The following CFAP43 variants were observed in gnomAD, a reference collection of about 807,000 sequenced individuals.
CFAP43 encodes cilia- and flagella-associated protein 43.
A neutral mutation model predicts 218.9 loss-of-function variants in CFAP43; 155 were observed. The observed-to-expected ratio is 0.71, with a 90% CI of 0.62 to 0.81. CFAP43 has a LOEUF of 0.81. Among genes scored for constraint, CFAP43 ranks in the 30% least tolerant of loss-of-function variants. CFAP43 has a pLI of 0.00. For missense variants in CFAP43, 1,778 were observed against 1,954.3 expected (o/e 0.91, Z 1.70); for synonymous variants, 645 against 681.3 (o/e 0.95, Z 0.83).
chr10:104,142,489 G>A, intron 32 of CFAP43, 96 bp from the exon 33 acceptor site: 2 of 772,508 alleles, frequency 2.6e-6, no homozygotes, highest in East Asian at 2.8e-5. Context: ...AACCTTAACA[G>A]GTCTATCTTT....
At chr10:104,208,764 A>G (rs2090770524) in intron 5 of CFAP43, among the ~76,000 whole-genome samples, 1 of 152,202 alleles carries the variant, frequency 6.6e-6, no homozygotes, top group Non-Finnish European at 1.5e-5. Context: ...TCTCTAAAAG[A>G]GATTCCTATT....
In CFAP43 at chr10:104,183,723, T is replaced by A. The variant is rs550983448; in HGVS notation, c.2142-1210A>T. ...GTTTTAAACCCAGCTTTGTTTTGAG[T>A]CAGAAGTTTGGGTGATTACCAATGG... On this transcript the variant is annotated intron_variant, in intron 16 of 37. Transcript: ENST00000357060. Among the ~76,000 whole-genome samples, 7 of 152,264 alleles carry A rather than the reference T, an allele frequency of 4.6e-5. No individual in the cohort carries two copies. The East Asian group carries it at 1.4e-3, about 29-fold the overall frequency.
intron 2 of CFAP43, among the ~76,000 whole-genome samples, chr10:104,229,525 A>G (rs1004196496): frequency 6.6e-6 from 1 of 150,660 alleles, no homozygotes; most frequent in African/African-American, 2.4e-5. Context: ...AAAGCCGAGC[A>G]TGGTGGCGCA....
At chr10:104,133,572 C>T (rs751879466) in intron 35 of CFAP43, 48 bp downstream of exon 35, 13 of 1,554,918 alleles carry the variant, frequency 8.4e-6, no homozygotes, top group Non-Finnish European at 1.1e-5. Context: ...TGAATGAATA[C>T]ATTAATGAAT....
At chr10:104,139,095 A>T (rs2087585723) in intron 34 of CFAP43, among the ~76,000 whole-genome samples, 1 of 152,214 alleles carries the variant, frequency 6.6e-6, no homozygotes, top group Non-Finnish European at 1.5e-5. Flanking sequence ...TTTGCCTTTG[A>T]TGGGCTCATT....
At chr10:104,130,437 C>CA in intron 37 of CFAP43, 132 bp from the exon 38 acceptor site, 1 of 1,022,432 alleles carries the variant, frequency 9.8e-7, no homozygotes, top group Non-Finnish European at 1.4e-6. Flanking sequence ...TTTACAGCAG[C>CA]ACTATCACAA....
At chr10:104,184,117 T>C (rs941537925) in intron 16 of CFAP43, among the ~76,000 whole-genome samples, 2 of 152,218 alleles carry the variant, frequency 1.3e-5, no homozygotes, top group African/African-American at 4.8e-5. Context: ...ATTACGGCAG[T>C]GAAAGAAGTC....
At chr10:104,213,963 A>C (rs1350705434) in intron 4 of CFAP43, among the ~76,000 whole-genome samples, 3 of 152,212 alleles carry the variant, frequency 2.0e-5, no homozygotes, top group African/African-American at 4.8e-5. Context: ...AGGACAAATA[A>C]AATTTTAGAA....
rs1309492138 is a variant in CFAP43 at position 104,193,988 on chromosome 10, G to A, written c.1320C>T (p.Ser440=). 4 of 1,613,940 alleles carry A rather than the reference G, an allele frequency of 2.5e-6. No individual in the cohort carries two copies. In the Admixed American group the frequency reaches 6.7e-5, roughly 27 times the overall value. The change falls in exon 11 of 38, where the codon TCC becomes TCT. Residue 440 remains serine, a synonymous_variant. Transcript: ENST00000357060. ...CCGTGCCCACGGCTGCAGAGAGGGA[G>A]GATGGACAGCAAGCCAGAACCGTTG... is the stretch of plus-strand genomic sequence containing the variant. ...TLATVLACCP[S]SLSAAVGTED... is the part of the protein sequence containing the mutation.
chr10:104,158,640 C>T (rs2088705583), intron 27 of CFAP43, among the ~76,000 whole-genome samples: 2 of 151,840 alleles, frequency 1.3e-5, no homozygotes, highest in Non-Finnish European at 1.5e-5. Flanking sequence ...TGATAAACAC[C>T]AATAAAAAAA....
At chr10:104,142,467 T>A in intron 32 of CFAP43, 74 bp from the exon 33 acceptor site, 1 of 1,130,094 alleles carries the variant, frequency 8.8e-7, no homozygotes, top group African/African-American at 1.6e-5. Flanking sequence ...CTTTTAACTT[T>A]TTAAATTTAA....
chr10:104,231,345 C>T (rs12358785), intron 1 of CFAP43, among the ~76,000 whole-genome samples: 19,269 of 152,042 alleles, frequency 0.13, 1,506 homozygotes, highest in Non-Finnish European at 0.17. Flanking sequence ...AGTATGTGGC[C>T]ATATTTTAGA....
At chr10:104,228,510 T>C (rs954490354) in intron 2 of CFAP43, among the ~76,000 whole-genome samples, 1 of 152,228 alleles carries the variant, frequency 6.6e-6, no homozygotes, top group African/African-American at 2.4e-5. Flanking sequence ...TCATTCTCTA[T>C]GTTTTATTTT....
rs748175796 is a variant in CFAP43, at chr10:104,168,856, AACACAG to A, written c.2587-14_2587-9del. ...CTCTACATCCTTTATCATCTTGAAGAACACAGACAAAGGGAAAAGATAAAAATGAAA... is the reference window on the plus strand; with the variant it reads ...CTCTACATCCTTTATCATCTTGAAGAACAAAGGGAAAAGATAAAAATGAAA... On this transcript the variant is annotated splice_polypyrimidine_tract_variant and intron_variant, in intron 20 of 37. Coordinates refer to ENST00000357060, the MANE Select transcript of CFAP43 (RefSeq NM_025145.7). The A allele has an allele frequency of 3.1e-6, 5 of 1,591,872 alleles. No individual in the cohort carries two copies. The African/African-American group carries it at 6.7e-5, about 21-fold the overall frequency.
At chr10:104,191,611 C>T (rs140843511) in intron 12 of CFAP43, among the ~76,000 whole-genome samples, 21 of 152,216 alleles carry the variant, frequency 1.4e-4, no homozygotes, top group African/African-American at 3.6e-4. Context: ...AAATTGTCTC[C>T]TTAATATTTT....
intron 16 of CFAP43, among the ~76,000 whole-genome samples, chr10:104,183,498 T>C (rs961709883): frequency 5.9e-5 from 9 of 151,612 alleles, no homozygotes; most frequent in African/African-American, 1.9e-4. Context: ...CACGCCATTC[T>C]CCTGCCTCAG....
chr10:104,221,853 A>C (rs1316302854), intron 3 of CFAP43, among the ~76,000 whole-genome samples: 1 of 152,060 alleles, frequency 6.6e-6, no homozygotes, highest in Admixed American at 6.6e-5. Context: ...GATTAAATGC[A>C]CTAACCCATT....
intron 12 of CFAP43, 115 bp downstream of exon 12, chr10:104,192,084 C>A: frequency 1.3e-6 from 1 of 778,342 alleles, no homozygotes; most frequent in Non-Finnish European, 2.0e-6. Context: ...GTTTCTCTTT[C>A]AGAAAATATG....
chr10:104,196,759 A>G (rs1261573316), intron 10 of CFAP43, 94 bp downstream of exon 10: 1 of 1,047,376 alleles, frequency 9.5e-7, no homozygotes, highest in Non-Finnish European at 1.4e-6. Context: ...TTCGGTAACA[A>G]GTATTTCTAC....
Sources: gnomAD v4.1 joint callset for allele counts (sites outside exome capture counted in the v4.1 genomes callset) on GRCh38, gnomAD v4.1.1 for gene constraint, MANE v1.5 for transcripts, NCBI Gene and HGNC (gene_info 2026-07-23, HGNC 2026-07-21) for gene names.